PCDH15: variants seen among roughly 807,000 people sequenced by gnomAD.
PCDH15 encodes the protein protocadherin related 15.
Under a neutral mutation model 178.5 loss-of-function variants are expected in PCDH15, and 129 were observed. The ratio of observed to expected loss-of-function variants is 0.72; its 90% CI spans 0.63 to 0.84. The LOEUF is 0.84. PCDH15 is among the 40% of genes least tolerant of loss of function. PCDH15 has a pLI of 0.00. For missense variants in PCDH15, 2,230 were observed against 2,099.9 expected, an observed-to-expected ratio of 1.06 and a Z score of -1.21; for synonymous variants, 800 against 732.0, an observed-to-expected ratio of 1.09 and a Z score of -1.50.
intron 1 of PCDH15, among the ~76,000 whole-genome samples, chr10:55,201,242 C>T (rs539646318): frequency 1.3e-5 from 2 of 152,078 alleles, no homozygotes; most frequent in South Asian, 4.1e-4. Context: ...CTCCATACTC[C>T]CTAAAAATGA....
At chr10:54,959,254 A>G (rs1838579077) in intron 2 of PCDH15, among the ~76,000 whole-genome samples, 1 of 151,938 alleles carries the variant, frequency 6.6e-6, no homozygotes. Flanking sequence ...AAAAATAGGT[A>G]ATGGAAAAAT....
chr10:54,958,529 T>C (rs1248218048), intron 2 of PCDH15, among the ~76,000 whole-genome samples: 2 of 151,906 alleles, frequency 1.3e-5, no homozygotes, highest in Admixed American at 1.3e-4. Context: ...TTTTCAGTTA[T>C]GAATTAAACA....
At chr10:54,860,035 T>C (rs1022423937) in intron 3 of PCDH15, among the ~76,000 whole-genome samples, 5 of 151,936 alleles carry the variant, frequency 3.3e-5, no homozygotes, top group African/African-American at 1.2e-4. Context: ...TAAGCAAAAA[T>C]GGTTTGTTTC....
chr10:54,688,676 T>C (rs567312710), intron 1 of PCDH15, among the ~76,000 whole-genome samples: 1 of 152,256 alleles, frequency 6.6e-6, no homozygotes, highest in Non-Finnish European at 1.5e-5. Flanking sequence ...TAGTTACCAG[T>C]GATTCACAGA....
chr10:54,365,466 A>G (rs565881636), intron 5 of PCDH15, among the ~76,000 whole-genome samples: 3 of 152,206 alleles, frequency 2.0e-5, no homozygotes, highest in South Asian at 4.1e-4. Context: ...ATTGACTGAA[A>G]AATTTTCTCT....
At chr10:54,576,610 C>G (rs935692846) in intron 2 of PCDH15, among the ~76,000 whole-genome samples, 52 of 152,268 alleles carry the variant, frequency 3.4e-4, no homozygotes, top group African/African-American at 1.2e-3. Context: ...GACAGCACTT[C>G]TCCTGCGATT....
At chr10:55,525,659 T>C (rs1422009807) in intron 2 of PCDH15, among the ~76,000 whole-genome samples, 1 of 151,954 alleles carries the variant, frequency 6.6e-6, no homozygotes, top group Non-Finnish European at 1.5e-5. Context: ...CTATCTAAAC[T>C]TCCAAAACCC....
chr10:54,324,980 A>G (rs1178043125), intron 7 of PCDH15, among the ~76,000 whole-genome samples: 1 of 152,088 alleles, frequency 6.6e-6, no homozygotes, highest in African/African-American at 2.4e-5. Flanking sequence ...AATAATATGT[A>G]GTAAATTTCA....
chr10:54,303,642 AC>A (rs1256728941), intron 8 of PCDH15, among the ~76,000 whole-genome samples: 1 of 152,132 alleles, frequency 6.6e-6, no homozygotes, highest in African/African-American at 2.4e-5. Flanking sequence ...AATCAGGTAT[AC>A]ACTCTGTAAA....
intron 2 of PCDH15, among the ~76,000 whole-genome samples, chr10:55,115,193 A>G (rs542405412): frequency 6.6e-6 from 1 of 152,338 alleles, no homozygotes; most frequent in South Asian, 2.1e-4. Context: ...ATGAATTTCA[A>G]AACTGCCTTG....
intron 2 of PCDH15, among the ~76,000 whole-genome samples, chr10:55,388,343 T>C (rs938282959): frequency 6.6e-6 from 1 of 152,084 alleles, no homozygotes; most frequent in African/African-American, 2.4e-5. Context: ...TGATGGCTGG[T>C]TGACCTTCAT....
intron 2 of PCDH15, among the ~76,000 whole-genome samples, chr10:54,963,932 G>A (rs933950270): frequency 3.9e-5 from 6 of 152,130 alleles, no homozygotes; most frequent in Non-Finnish European, 5.9e-5. Flanking sequence ...GTGATGGGAG[G>A]TCAATCTCAA....
intron 13 of PCDH15, among the ~76,000 whole-genome samples, chr10:54,169,160 C>G (rs1564588779): frequency 6.7e-6 from 1 of 148,326 alleles, no homozygotes; most frequent in Non-Finnish European, 1.5e-5. Context: ...ACTCCCAGAG[C>G]CCCTGGAACT....
chr10:54,419,146 T>C (rs1183401777), intron 3 of PCDH15, among the ~76,000 whole-genome samples: 1 of 152,036 alleles, frequency 6.6e-6, no homozygotes, highest in African/African-American at 2.4e-5. Flanking sequence ...ATTGTTAGAA[T>C]GCCATTAAAT....
chr10:54,841,615 T>A (rs972710307), intron 3 of PCDH15, among the ~76,000 whole-genome samples: 1 of 151,732 alleles, frequency 6.6e-6, no homozygotes, highest in Non-Finnish European at 1.5e-5. Flanking sequence ...TTAAATATAT[T>A]TCAATAAAGC....
intron 1 of PCDH15, among the ~76,000 whole-genome samples, chr10:54,738,281 A>G (rs1689932758): frequency 6.6e-6 from 1 of 152,112 alleles, no homozygotes; most frequent in South Asian, 2.1e-4. Context: ...TGCTATATTG[A>G]GAATAGATTA....
chr10:54,462,512 C>CTTTTTTTTTTTTTTTTTTTTTT (rs562731025), intron 3 of PCDH15, among the ~76,000 whole-genome samples: 10 of 66,882 alleles, frequency 1.5e-4, no homozygotes, highest in Non-Finnish European at 1.8e-4. Flanking sequence ...TTTTTCTTTT[C>CTTTTTTTTTTTTTTTTTTTTTT]TTTTTTTTTT....
chr10:53,871,108 C>T (rs2079811817), intron 26 of PCDH15, among the ~76,000 whole-genome samples: 1 of 151,062 alleles, frequency 6.6e-6, no homozygotes, highest in African/African-American at 2.4e-5. Flanking sequence ...CTGAGGCGGG[C>T]GGGTCACAAG....
chr10:54,431,526 G>A (rs989497067), intron 3 of PCDH15, among the ~76,000 whole-genome samples: 2 of 152,140 alleles, frequency 1.3e-5, no homozygotes, highest in African/African-American at 4.8e-5. Flanking sequence ...TTCCATTGAT[G>A]TTGTAAAAGT....
Sources: allele counts gnomAD v4.1 joint callset (sites outside exome capture counted in the v4.1 genomes callset), GRCh38; gene constraint gnomAD v4.1.1; transcripts MANE v1.5; gene names NCBI Gene and HGNC (gene_info 2026-07-23, HGNC 2026-07-21).